Variants in ILDR1 observed in about 807,000 individuals in gnomAD.
The protein encoded by ILDR1 is immunoglobulin like domain containing receptor 1.
A neutral mutation model predicts 62.4 loss-of-function variants in ILDR1; 56 were observed. The observed-to-expected ratio is 0.90, with a 90% CI of 0.72 to 1.12. The LOEUF (loss-of-function observed/expected upper bound fraction) is 1.12, where lower values mean the gene tolerates loss of function less well. Among genes scored for constraint, ILDR1 ranks in the 50% most tolerant of loss-of-function variants. The pLI is 0.00. For missense variants in ILDR1, 736 were observed against 710.6 expected (o/e 1.04, Z -0.41); for synonymous variants, 284 against 277.8 (o/e 1.02, Z -0.22).
chr3:122,042,646 T>C, the ILDR1 span, among the ~76,000 whole-genome samples: 1 of 152,104 alleles, frequency 6.6e-6, no homozygotes, highest in Non-Finnish European at 1.5e-5. Context: ...GTGGTTTTGA[T>C]TTGCATTTCT....
chr3:122,021,048 T>G (rs1315689952), intron 1 of ILDR1, among the ~76,000 whole-genome samples: 2 of 152,176 alleles, frequency 1.3e-5, no homozygotes, highest in African/African-American at 4.8e-5. Context: ...CCAACACACC[T>G]TCATATTGCA....
At chr3:122,000,997 G>A (rs1340504741) in intron 5 of ILDR1, among the ~76,000 whole-genome samples, 2 of 152,196 alleles carry the variant, frequency 1.3e-5, no homozygotes, top group East Asian at 1.9e-4. Flanking sequence ...GTCTAAATGA[G>A]GTCAGTGCTA....
chr3:122,052,159 G>A, the ILDR1 span, among the ~76,000 whole-genome samples: 1 of 152,136 alleles, frequency 6.6e-6, no homozygotes, highest in African/African-American at 2.4e-5. Flanking sequence ...TGAAGAAGAG[G>A]GCACTGAGCT....
At chr3:122,008,067 C>A (rs1427062728) in intron 1 of ILDR1, among the ~76,000 whole-genome samples, 2 of 152,160 alleles carry the variant, frequency 1.3e-5, no homozygotes, top group Non-Finnish European at 2.9e-5. Flanking sequence ...TGGCACCCAA[C>A]AAATGCTTGT....
the ILDR1 span, among the ~76,000 whole-genome samples, chr3:122,060,721 GA>G: frequency 6.6e-6 from 1 of 152,154 alleles, no homozygotes; most frequent in South Asian, 2.1e-4. Context: ...AGGATTTCTG[GA>G]AGAAAATAAT....
chr3:122,049,169 C>G, the ILDR1 span, among the ~76,000 whole-genome samples: 11 of 152,118 alleles, frequency 7.2e-5, no homozygotes, highest in African/African-American at 2.7e-4. Flanking sequence ...TGCATTTCCA[C>G]ATATTTGTGA....
chr3:122,042,038 G>A, the ILDR1 span, among the ~76,000 whole-genome samples: 42 of 121,164 alleles, frequency 3.5e-4, no homozygotes, highest in East Asian at 9.5e-3. Flanking sequence ...CTAGCATTAG[G>A]TATATCTCCC....
At chr3:122,053,793 T>C in the ILDR1 span, among the ~76,000 whole-genome samples, 1 of 152,232 alleles carries the variant, frequency 6.6e-6, no homozygotes, top group Non-Finnish European at 1.5e-5. Context: ...AGTGTATGCA[T>C]TGATACCAAG....
chr3:122,042,894 T>C, the ILDR1 span, among the ~76,000 whole-genome samples: 1 of 152,058 alleles, frequency 6.6e-6, no homozygotes, highest in Non-Finnish European at 1.5e-5. Context: ...TATTTTCTTT[T>C]GCTGTGCAGA....
At chr3:122,029,167 G>A in the ILDR1 span, among the ~76,000 whole-genome samples, 4 of 152,204 alleles carry the variant, frequency 2.6e-5, no homozygotes, top group East Asian at 1.9e-4. Context: ...AAACAATATC[G>A]TATAGTATTA....
At chr3:122,015,641 T>C (rs747521633) in intron 1 of ILDR1, among the ~76,000 whole-genome samples, 1 of 152,224 alleles carries the variant, frequency 6.6e-6, no homozygotes, top group East Asian at 1.9e-4. Context: ...CCTTCTGCCA[T>C]GATTATAAGT....
Position 122,001,761 on chromosome 3 carries a change from T to A in ILDR1, c.483A>T (p.Val161=), listed in dbSNP as rs369002219. 40 of 1,613,424 alleles carry A rather than the reference T, an allele frequency of 2.5e-5. 1 individual carries two copies. The highest frequency in any genetic ancestry group is 3.3e-5 in the Non-Finnish European group (39 of 1,179,994). The stretch of plus-strand genomic sequence containing the variant: ...AGCACTTACGTAGGACGATGAGCTT[T>A]ACTTCCTTATCGGGGTCTCCTGATG... The part of the protein sequence containing the change: ...GDTSGDPDKE[V]KLIVLHWLTV... Residue 161 remains valine, a synonymous_variant, in exon 4 of 8, where the codon GTA becomes GTT. Transcript: ENST00000344209.
the ILDR1 span, among the ~76,000 whole-genome samples, chr3:122,052,084 TCC>T: frequency 6.6e-6 from 1 of 152,104 alleles, no homozygotes; most frequent in Admixed American, 6.5e-5. Context: ...TGGAAACCAG[TCC>T]CTTTGGCAGC....
intron 4 of ILDR1, 24 bp downstream of exon 4, chr3:122,001,721 A>G: frequency 6.2e-7 from 1 of 1,612,404 alleles, no homozygotes. Context: ...GGGTGACTGA[A>G]TAGAAAGCTC....
intron 3 of ILDR1, among the ~76,000 whole-genome samples, chr3:122,002,416 G>A (rs1369933178): frequency 6.6e-6 from 1 of 152,096 alleles, no homozygotes; most frequent in Non-Finnish European, 1.5e-5. Flanking sequence ...TCCACATTCT[G>A]GGTCCCTTAT....
chr3:122,020,853 A>C (rs1461514372), intron 1 of ILDR1, among the ~76,000 whole-genome samples: 4 of 152,158 alleles, frequency 2.6e-5, no homozygotes, highest in African/African-American at 9.7e-5. Flanking sequence ...TATCCTGTAG[A>C]AAATCTTGTA....
rs141850136 is a variant in ILDR1, at chr3:121,999,122, C to A, written c.646+2186G>T. Reference sequence around the variant, plus strand: ...CAACCTCAGAGCACAGGCCTGAAACCAGACTCAGGCCACCGACTTTCTTCA... The same window carrying A: ...CAACCTCAGAGCACAGGCCTGAAACAAGACTCAGGCCACCGACTTTCTTCA... On this transcript the variant is annotated intron_variant, in intron 5 of 7. Transcript: ENST00000344209. 3.3e-5 allele frequency among the ~76,000 whole-genome samples: 5 copies of A among 152,258 alleles called. No individual in the cohort carries two copies. The East Asian group carries it at 9.7e-4, about 29-fold the overall frequency.
chr3:122,051,273 G>C, the ILDR1 span, among the ~76,000 whole-genome samples: 1 of 152,050 alleles, frequency 6.6e-6, no homozygotes, highest in Non-Finnish European at 1.5e-5. Flanking sequence ...ACATTTGATG[G>C]TGTCCAATAA....
chr3:122,061,012 G>A, the ILDR1 span, among the ~76,000 whole-genome samples: 1 of 152,208 alleles, frequency 6.6e-6, no homozygotes, highest in Non-Finnish European at 1.5e-5. Context: ...TAATCTTTCT[G>A]TAGTGGCAGG....
Sources: gnomAD v4.1 joint callset for allele counts (sites outside exome capture counted in the v4.1 genomes callset) on GRCh38, gnomAD v4.1.1 for gene constraint, MANE v1.5 for transcripts, NCBI Gene and HGNC (gene_info 2026-07-23, HGNC 2026-07-21) for gene names.